Variants in FANCA observed in about 807,000 individuals in gnomAD.
FANCA encodes FA complementation group A.
Under a neutral mutation model 194.3 loss-of-function variants are expected in FANCA, and 236 were observed. That is an observed-to-expected ratio of 1.21 (90% CI 1.09 to 1.35). The LOEUF is 1.35. FANCA is among the 40% of genes most tolerant of loss of function. The probability of loss-of-function intolerance (pLI) is 0.00; values close to 1 mark genes in which losing one functional copy is unlikely to be tolerated. For synonymous variants in FANCA, 1,014 were observed against 715.8 expected (o/e 1.42, Z -6.65); for missense variants, 2,628 against 1,813.9 (o/e 1.45, Z -8.15).
intron 30 of FANCA, 48 bp from the exon 31 acceptor site, chr16:89,752,270 C>G: frequency 6.7e-7 from 1 of 1,484,738 alleles, no homozygotes; most frequent in Middle Eastern, 1.7e-4. Flanking sequence ...CCTAATAGTG[C>G]TGAAGTTCCC....
chr16:89,792,329 C>T lies in FANCA; in HGVS notation c.1083+142G>A, dbSNP rs146920936. On this transcript the variant is annotated intron_variant, in intron 12 of 42. Transcript: ENST00000389301. ...TCAGTCTCCTGACCTGAGTGGTGGC[C>T]TTGATGAGGACAGCCACATCTCACC... 7.4e-3 allele frequency: 7,192 copies of T among 970,676 alleles called. 46 individuals carry two copies. Among genetic ancestry groups the T allele is most frequent in the Non-Finnish European group, 9.5e-3 (5,780 of 605,332 alleles). 60.1% of individuals were successfully genotyped at this position (970,676 alleles called of 1,614,324 possible). A position where few individuals can be genotyped will look rare whatever the true frequency, so the allele number is the denominator to read the frequency against.
At chr16:89,743,480 C>G (rs531568356) in intron 36 of FANCA, among the ~76,000 whole-genome samples, 83 of 152,284 alleles carry the variant, frequency 5.5e-4, no homozygotes, top group Non-Finnish European at 1.0e-3. Context: ...TCGCTTAAGC[C>G]CAGCAGTTTG....
intron 38 of FANCA, 159 bp from the exon 39 acceptor site, chr16:89,740,258 T>C (rs907140878): frequency 4.3e-6 from 3 of 700,224 alleles, no homozygotes; most frequent in East Asian, 2.6e-5. Context: ...ACTGGGCCTC[T>C]GGACAGAAGA....
At chr16:89,796,581 G>A (rs1408143121) in intron 10 of FANCA, among the ~76,000 whole-genome samples, 1 of 152,204 alleles carries the variant, frequency 6.6e-6, no homozygotes, top group East Asian at 1.9e-4. Flanking sequence ...TGGGGTCACA[G>A]AGCCAGGTGG....
chr16:89,739,154 C>T lies in FANCA; in HGVS notation c.4146G>A (p.Arg1382=), dbSNP rs759216137. ...CTGCCTGACCCTTGAGCTCCAGGCT[C>T]CTGCCAGCTGGAGGTGAAACTGTGC... ...DTSTVSPPAG[R]SLELKGQGNP... is the part of the protein sequence containing the mutation. The change falls in exon 41 of 43, where the codon AGG becomes AGA. Residue 1382 remains arginine, a synonymous_variant. Transcript: ENST00000389301. The T allele has an allele frequency of 6.2e-7, 1 of 1,614,138 alleles. No homozygotes were observed. Among genetic ancestry groups the T allele is most frequent in the East Asian group, 2.2e-5 (1 of 44,882 alleles).
intron 2 of FANCA, 29 bp downstream of exon 2, chr16:89,815,848 C>T (rs1478552742): frequency 6.5e-7 from 1 of 1,544,416 alleles, no homozygotes; most frequent in African/African-American, 1.4e-5. Context: ...CCTAAATCTG[C>T]CCGCAGACGG....
Position 89,799,233 on chromosome 16 carries a change from C to T in FANCA, c.827-1G>A, listed in dbSNP as rs753728435. The T allele has an allele frequency of 6.2e-7, 1 of 1,614,064 alleles. No individual in the cohort carries two copies. The highest frequency in any genetic ancestry group is 1.7e-5 in the Admixed American group (1 of 60,026). ...CCAGCAGCCAAAGCGTCAAGTGCAA[C>T]TGAAGACAGAGCCAGGAACAGAAAA... On this transcript the variant is annotated splice_acceptor_variant, in intron 9 of 42. Coordinates refer to ENST00000389301, the MANE Select transcript of FANCA (RefSeq NM_000135.4). LOFTEE classifies it high-confidence loss of function.
At chr16:89,792,121 A>G (rs2040096754) in intron 12 of FANCA, 53 bp from the exon 13 acceptor site, 1 of 1,609,788 alleles carries the variant, frequency 6.2e-7, no homozygotes, top group African/African-American at 1.3e-5. Flanking sequence ...AATGTGCGAC[A>G]GATGACCCCT....
rs2040847374 is a variant in FANCA at position 89,810,807 on chromosome 16, A to T, written c.427-5T>A. ...TAACAGGGAAGACAGCTTCTTCTGA[A>T]AAGAGAGATTACATTTTTTAAAAAA... is the stretch of plus-strand genomic sequence containing the variant. On this transcript the variant is annotated splice_region_variant and splice_polypyrimidine_tract_variant and intron_variant, in intron 4 of 42. Transcript: ENST00000389301. 1 of 1,612,754 alleles carries T rather than the reference A, an allele frequency of 6.2e-7. No individual in the cohort carries two copies.
In FANCA at chr16:89,737,776, G is replaced by A. The variant is rs777013443; in HGVS notation, c.*825C>T. 4 of 1,614,004 alleles carry A rather than the reference G, an allele frequency of 2.5e-6. No individual in the cohort carries two copies. The highest frequency in any genetic ancestry group is 3.4e-6 in the Non-Finnish European group (4 of 1,179,986). On this transcript the variant is annotated 3_prime_UTR_variant, in exon 43 of 43. Coordinates refer to ENST00000389301, the MANE Select transcript of FANCA (RefSeq NM_000135.4). ...CCCCCGGGAGGTTGGAGCATCAGGG[G>A]CCTGGACTCACTGGACTCTCCCCTC...
chr16:89,774,754 A>AAAAAAAAAAAAAC (rs34932314), intron 21 of FANCA, among the ~76,000 whole-genome samples: 48 of 145,718 alleles, frequency 3.3e-4, no homozygotes, highest in Non-Finnish European at 5.7e-4. Flanking sequence ...AAAAAAAAAA[A>AAAAAAAAAAAAAC]TCTCAACGAG....
chr16:89,760,141 G>A (rs2038903846), intron 29 of FANCA, among the ~76,000 whole-genome samples: 1 of 152,234 alleles, frequency 6.6e-6, no homozygotes, highest in East Asian at 1.9e-4. Flanking sequence ...ACGCAGCGGT[G>A]ACCTGATGCA....
intron 35 of FANCA, among the ~76,000 whole-genome samples, chr16:89,746,326 G>C (rs2038386316): frequency 1.3e-5 from 2 of 152,194 alleles, no homozygotes; most frequent in South Asian, 4.1e-4. Context: ...CGTGGGGTCT[G>C]AGTGGGGTCC....
chr16:89,776,896 G>T (rs1420297863), intron 20 of FANCA, among the ~76,000 whole-genome samples: 2 of 152,054 alleles, frequency 1.3e-5, no homozygotes, highest in Admixed American at 6.6e-5. Context: ...TAGCAAATTA[G>T]TAAGAGGGAA....
chr16:89,739,571 G>A lies in FANCA; in HGVS notation c.3935-18C>T. 1 of 1,550,572 alleles carries A rather than the reference G, an allele frequency of 6.4e-7. No homozygotes were observed. The highest frequency in any genetic ancestry group is 8.7e-7 in the Non-Finnish European group (1 of 1,146,584). On this transcript the variant is annotated intron_variant, in intron 39 of 42. Transcript: ENST00000389301. ...CCTGAGGTCTGCAACACCAAGAAGT[G>A]GCTCAGGCAACTCTGGACATCTCTG...
chr16:89,803,378 C>G (rs745479296), intron 7 of FANCA, 37 bp from the exon 8 acceptor site: 1 of 1,574,526 alleles, frequency 6.4e-7, no homozygotes, highest in Non-Finnish European at 8.7e-7. Context: ...TTATGGACAT[C>G]ATGGTCTCCA....
chr16:89,757,692 A>G (rs142711179), intron 30 of FANCA, among the ~76,000 whole-genome samples: 1,556 of 152,296 alleles, frequency 0.01, 32 homozygotes, highest in African/African-American at 0.035. Context: ...AAGCCTGGAC[A>G]GCCCCAGGTA....
chr16:89,799,007 A>G lies in FANCA; in HGVS notation c.893+159T>C, dbSNP rs1250079742. 8.1e-6 allele frequency: 13 copies of G among 1,614,094 alleles called. No individual in the cohort carries two copies. The East Asian group carries it at 2.2e-4, about 28-fold the overall frequency. On this transcript the variant is annotated intron_variant, in intron 10 of 42. Transcript: ENST00000389301. ...ACCAGAGCGTTCCCCGGGCTTTCCC[A>G]TGGTCGCCTCCTCCTCACGCACGTT...
intron 40 of FANCA, 79 bp downstream of exon 40, chr16:89,739,399 T>C: frequency 6.4e-7 from 1 of 1,569,826 alleles, no homozygotes; most frequent in Non-Finnish European, 8.7e-7. Flanking sequence ...ACCCTTCCCA[T>C]CTGGCGGGAC....
Sources: allele counts gnomAD v4.1 joint callset (sites outside exome capture counted in the v4.1 genomes callset), GRCh38; gene constraint gnomAD v4.1.1; transcripts MANE v1.5; gene names NCBI Gene and HGNC (gene_info 2026-07-23, HGNC 2026-07-21).